LSAMP: variants seen among roughly 807,000 people sequenced by gnomAD.
The protein encoded by LSAMP is limbic system associated membrane protein.
Under a neutral mutation model 38.6 loss-of-function variants are expected in LSAMP, and 7 were observed. That is an observed-to-expected ratio of 0.18 (90% confidence interval 0.10 to 0.34). LSAMP has a LOEUF of 0.34. Among genes scored for constraint, LSAMP ranks in the 10% least tolerant of loss-of-function variants. LSAMP has a pLI of 1.00. For synonymous variants in LSAMP, 154 were observed against 166.8 expected, an observed-to-expected ratio of 0.92 and a Z score of 0.59; for missense variants, 313 against 420.0, an observed-to-expected ratio of 0.75 and a Z score of 2.23.
chr3:115,867,505 T>A (rs1935895720), intron 3 of LSAMP, among the ~76,000 whole-genome samples: 1 of 152,086 alleles, frequency 6.6e-6, no homozygotes, highest in African/African-American at 2.4e-5. Context: ...GAACATTATC[T>A]GACCCGCTGT....
intron 3 of LSAMP, among the ~76,000 whole-genome samples, chr3:115,956,290 G>A (rs1223884321): frequency 6.0e-5 from 9 of 150,318 alleles, no homozygotes; most frequent in African/African-American, 2.0e-4. Flanking sequence ...ATCTGATCTC[G>A]TAGGCCTCCC....
At chr3:115,829,040 G>A (rs1471280705) in intron 6 of LSAMP, among the ~76,000 whole-genome samples, 1 of 152,132 alleles carries the variant, frequency 6.6e-6, no homozygotes, top group Admixed American at 6.5e-5. Context: ...TAGTCATTTA[G>A]CTTGAAGCTA....
At chr3:116,186,318 C>T (rs562932331) in intron 1 of LSAMP, among the ~76,000 whole-genome samples, 1 of 152,260 alleles carries the variant, frequency 6.6e-6, no homozygotes, top group Non-Finnish European at 1.5e-5. Context: ...GCCATCTCCT[C>T]TTGCAAGGCA....
chr3:116,080,354 CTT>C (rs1275815200), intron 2 of LSAMP, among the ~76,000 whole-genome samples: 1 of 152,120 alleles, frequency 6.6e-6, no homozygotes, highest in Non-Finnish European at 1.5e-5. Context: ...AACTTTTTCT[CTT>C]TTCCCTTATT....
At chr3:116,003,660 A>G (rs1940065945) in intron 3 of LSAMP, among the ~76,000 whole-genome samples, 2 of 152,206 alleles carry the variant, frequency 1.3e-5, no homozygotes, top group Admixed American at 1.3e-4. Flanking sequence ...GCTGAATCCT[A>G]AATCCAATGA....
At chr3:116,302,523 A>G (rs949066002) in intron 1 of LSAMP, among the ~76,000 whole-genome samples, 3 of 152,238 alleles carry the variant, frequency 2.0e-5, no homozygotes, top group African/African-American at 7.2e-5. Context: ...TCAATGATTA[A>G]TGCATTGTCT....
chr3:115,901,433 A>C (rs1936871254), intron 3 of LSAMP, among the ~76,000 whole-genome samples: 1 of 152,160 alleles, frequency 6.6e-6, no homozygotes, highest in South Asian at 2.1e-4. Context: ...TCCAGATTAC[A>C]GATACCTATT....
At chr3:115,942,882 G>C (rs1272335839) in intron 3 of LSAMP, among the ~76,000 whole-genome samples, 2 of 152,146 alleles carry the variant, frequency 1.3e-5, no homozygotes, top group African/African-American at 4.8e-5. Flanking sequence ...GGCTTTAACA[G>C]ACTGCTCACA....
At chr3:115,839,932 T>G (rs1167401957) in intron 6 of LSAMP, among the ~76,000 whole-genome samples, 4 of 152,226 alleles carry the variant, frequency 2.6e-5, no homozygotes, top group African/African-American at 9.6e-5. Context: ...GTTAAGTCCT[T>G]TAAATGGACT....
chr3:116,088,653 T>C (rs999397699), intron 1 of LSAMP, among the ~76,000 whole-genome samples: 2 of 152,218 alleles, frequency 1.3e-5, no homozygotes, highest in Non-Finnish European at 2.9e-5. Context: ...CTATCATTTT[T>C]CCCTGTGCAT....
At chr3:115,987,216 C>A (rs536980193) in intron 3 of LSAMP, among the ~76,000 whole-genome samples, 1 of 152,162 alleles carries the variant, frequency 6.6e-6, no homozygotes, top group Non-Finnish European at 1.5e-5. Context: ...TTCTAAGCCT[C>A]CCCTGTGGTT....
intron 3 of LSAMP, among the ~76,000 whole-genome samples, chr3:115,990,275 G>A (rs2107641261): frequency 6.6e-6 from 1 of 152,010 alleles, no homozygotes; most frequent in Non-Finnish European, 1.5e-5. Flanking sequence ...TTGCCGTTTA[G>A]AGGGCTATAA....
intron 3 of LSAMP, among the ~76,000 whole-genome samples, chr3:115,878,971 G>A (rs1936256955): frequency 6.6e-6 from 1 of 152,114 alleles, no homozygotes. Flanking sequence ...TGCCATGTCT[G>A]TAAGTTGAAT....
intron 1 of LSAMP, among the ~76,000 whole-genome samples, chr3:116,345,555 G>T (rs2048053594): frequency 6.6e-6 from 1 of 151,994 alleles, no homozygotes; most frequent in Non-Finnish European, 1.5e-5. Context: ...CAACTGGGTG[G>T]ATACTTAGTT....
chr3:116,380,231 G>C (rs2048539880), intron 1 of LSAMP, among the ~76,000 whole-genome samples: 1 of 151,978 alleles, frequency 6.6e-6, no homozygotes, highest in South Asian at 2.1e-4. Context: ...GCTGAACATA[G>C]TATTTGGAGC....
At chr3:116,023,049 T>A (rs1448693977) in intron 2 of LSAMP, among the ~76,000 whole-genome samples, 1 of 152,064 alleles carries the variant, frequency 6.6e-6, no homozygotes, top group Non-Finnish European at 1.5e-5. Context: ...CTGTTGTTTA[T>A]GTCATGTTCT....
chr3:116,068,382 A>G (rs901687139), intron 2 of LSAMP, among the ~76,000 whole-genome samples: 3 of 152,278 alleles, frequency 2.0e-5, no homozygotes, highest in Admixed American at 6.5e-5. Context: ...ACAATTTAAA[A>G]TGCTCTCATT....
intron 1 of LSAMP, among the ~76,000 whole-genome samples, chr3:116,117,268 C>G (rs951098715): frequency 6.6e-6 from 1 of 152,238 alleles, no homozygotes. Flanking sequence ...GGTGACCTGG[C>G]TATGCTGTTT....
At chr3:115,929,291 G>A (rs1292164402) in intron 3 of LSAMP, among the ~76,000 whole-genome samples, 3 of 152,126 alleles carry the variant, frequency 2.0e-5, no homozygotes, top group African/African-American at 7.2e-5. Flanking sequence ...AGGAGCAGAG[G>A]CATAGATATT....
Sources: gnomAD v4.1 joint callset for allele counts (sites outside exome capture counted in the v4.1 genomes callset) on GRCh38, gnomAD v4.1.1 for gene constraint, MANE v1.5 for transcripts, NCBI Gene and HGNC (gene_info 2026-07-23, HGNC 2026-07-21) for gene names.